The following TRIM33 variants were observed in gnomAD, a reference collection of about 807,000 sequenced individuals.
TRIM33 encodes tripartite motif containing 33.
In TRIM33, 20 loss-of-function variants were observed where a neutral mutation model predicts 125.4. The observed-to-expected ratio is 0.16, with a 90% CI of 0.11 to 0.23. TRIM33 has a LOEUF of 0.23. TRIM33 is among the 10% of genes least tolerant of loss of function. TRIM33 has a pLI of 1.00. For synonymous variants in TRIM33, 564 were observed against 513.9 expected, an observed-to-expected ratio of 1.10 and a Z score of -1.32; for missense variants, 920 against 1,411.4, an observed-to-expected ratio of 0.65 and a Z score of 5.58.
intron 6 of TRIM33, among the ~76,000 whole-genome samples, chr1:114,428,978 A>C (rs1448765256): frequency 2.0e-5 from 3 of 151,752 alleles, no homozygotes; most frequent in Non-Finnish European, 4.4e-5. Flanking sequence ...AGCATCTTTT[A>C]ATTCAGAAAC....
In TRIM33 at chr1:114,399,622, C is replaced by T; in HGVS notation, c.2968-13G>A. The T allele has an allele frequency of 6.4e-7, 1 of 1,559,780 alleles. No individual in the cohort carries two copies. Among genetic ancestry groups the T allele is most frequent in the Non-Finnish European group, 8.7e-7 (1 of 1,148,772 alleles). ...AGTAGTTTGGTATCTAAAATAAGCA[C>T]ATAATGGCAAATAAGAATTCTCCAA... On this transcript the variant is annotated splice_polypyrimidine_tract_variant and intron_variant, in intron 17 of 19. Coordinates refer to ENST00000358465, the MANE Select transcript of TRIM33 (RefSeq NM_015906.4).
At chr1:114,475,576 G>C (rs11805015) in intron 1 of TRIM33, among the ~76,000 whole-genome samples, 1 of 152,050 alleles carries the variant, frequency 6.6e-6, no homozygotes, top group African/African-American at 2.4e-5. Context: ...CCAGCTACTC[G>C]GGAGGCTGAG....
chr1:114,407,195 C>T, intron 13 of TRIM33, 95 bp from the exon 14 acceptor site: 2 of 1,040,170 alleles, frequency 1.9e-6, no homozygotes, highest in Non-Finnish European at 2.8e-6. Context: ...AAAGTGAAGA[C>T]AATAGACAAT....
chr1:114,398,532 T>C (rs960783758), intron 18 of TRIM33, among the ~76,000 whole-genome samples: 1 of 152,160 alleles, frequency 6.6e-6, no homozygotes, highest in South Asian at 2.1e-4. Flanking sequence ...TTTACTAATA[T>C]ACTCTGTGCC....
Position 114,511,112 on chromosome 1 carries a change from C to T in TRIM33, c.-36G>A. The T allele has an allele frequency of 8.8e-7, 1 of 1,133,168 alleles. No individual in the cohort carries two copies. Among genetic ancestry groups the T allele is most frequent in the Non-Finnish European group, 1.1e-6 (1 of 928,210 alleles). The allele number at this position is 1,133,168 out of a possible 1,614,324, so 70.2% of individuals were successfully genotyped here. On this transcript the variant is annotated 5_prime_UTR_variant, in exon 1 of 20. Coordinates refer to ENST00000358465, the MANE Select transcript of TRIM33 (RefSeq NM_015906.4). ...TTGAACCCGCCGGACCGCCCCGCGCCGCCCGCCGCCCGCGTCGCCGCCGCC... is the reference window on the plus strand; with the variant it reads ...TTGAACCCGCCGGACCGCCCCGCGCTGCCCGCCGCCCGCGTCGCCGCCGCC...
At chr1:114,440,622 G>C (rs188531113) in intron 4 of TRIM33, among the ~76,000 whole-genome samples, 2 of 152,238 alleles carry the variant, frequency 1.3e-5, no homozygotes, top group South Asian at 2.1e-4. Flanking sequence ...TTTTTAAAAG[G>C]GGGAGGAGCT....
chr1:114,453,515 G>A (rs981682935), intron 4 of TRIM33, among the ~76,000 whole-genome samples: 3 of 152,194 alleles, frequency 2.0e-5, no homozygotes, highest in African/African-American at 7.2e-5. Context: ...ATAAGAGATT[G>A]TTTAGTAAAA....
intron 1 of TRIM33, among the ~76,000 whole-genome samples, chr1:114,487,478 T>C (rs1435506897): frequency 1.3e-5 from 2 of 150,912 alleles, no homozygotes; most frequent in South Asian, 2.1e-4. Flanking sequence ...TGAAAAAATA[T>C]ATAAAAATTT....
chr1:114,427,492 A>C lies in TRIM33; in HGVS notation c.1303-198T>G, dbSNP rs550136929. ...CCATTTTGGGTAATAAAGTGCATTA[A>C]GATACTAGGTATCTTCAAAAGAGTA... is the stretch of plus-strand genomic sequence containing the variant. On this transcript the variant is annotated intron_variant, in intron 7 of 19. Coordinates refer to ENST00000358465, the MANE Select transcript of TRIM33 (RefSeq NM_015906.4). Among the ~76,000 whole-genome samples, 7 of 152,340 alleles carry C rather than the reference A, an allele frequency of 4.6e-5. No homozygotes were observed. The South Asian group carries it at 1.0e-3, about 23-fold the overall frequency.
chr1:114,483,879 G>A (rs1651507018), intron 1 of TRIM33, among the ~76,000 whole-genome samples: 1 of 152,146 alleles, frequency 6.6e-6, no homozygotes, highest in Admixed American at 6.5e-5. Flanking sequence ...GAAAACTACA[G>A]ACTGAGGAGT....
At chr1:114,412,595 G>A (rs1652665617) in intron 11 of TRIM33, among the ~76,000 whole-genome samples, 1 of 151,710 alleles carries the variant, frequency 6.6e-6, no homozygotes, top group Admixed American at 6.6e-5. Flanking sequence ...TTTTTCCAGA[G>A]TTTTATATAA....
intron 1 of TRIM33, among the ~76,000 whole-genome samples, chr1:114,497,724 T>C (rs940228573): frequency 3.9e-5 from 6 of 152,176 alleles, no homozygotes; most frequent in African/African-American, 1.4e-4. Flanking sequence ...ATGGGCCAGT[T>C]TGCCAATCCC....
intron 1 of TRIM33, among the ~76,000 whole-genome samples, chr1:114,507,428 T>C (rs1009127544): frequency 3.9e-5 from 6 of 152,192 alleles, no homozygotes; most frequent in Non-Finnish European, 7.3e-5. Flanking sequence ...AAAGGCCAGT[T>C]AGGCAGGAGG....
rs1426815270 is a variant in TRIM33, at chr1:114,397,409, TCA to T, written c.*237_*238del. 4 of 519,084 alleles carry T rather than the reference TCA, an allele frequency of 7.7e-6. No individual in the cohort carries two copies. The highest frequency in any genetic ancestry group is 1.0e-5 in the Non-Finnish European group (3 of 293,886). 32.2% of individuals were successfully genotyped at this position (519,084 alleles called of 1,614,324 possible). Reference sequence around the variant, plus strand: ...TTAGAACAGAAATCCTCAAATCATTTCACTTTTGCTTTTTGCTTTGAAACTTG... The same window carrying T: ...TTAGAACAGAAATCCTCAAATCATTTCTTTTGCTTTTTGCTTTGAAACTTG... On this transcript the variant is annotated 3_prime_UTR_variant, in exon 20 of 20. Coordinates refer to ENST00000358465, the MANE Select transcript of TRIM33 (RefSeq NM_015906.4).
rs1572073553 is a variant in TRIM33, at chr1:114,454,280, A to G, written c.923+8824T>C. 2.0e-5 allele frequency among the ~76,000 whole-genome samples: 3 copies of G among 152,170 alleles called. No individual in the cohort carries two copies. In the South Asian group the frequency reaches 6.2e-4, roughly 32 times the overall value. On this transcript the variant is annotated intron_variant, in intron 4 of 19. Transcript: ENST00000358465. ...GGGTACCCAGTCATGGTATGGTTGT[A>G]TAACTGCAGCTGCAGTTACTAGAGG... is the stretch of plus-strand genomic sequence containing the variant.
Position 114,402,751 on chromosome 1 carries a change from G to A in TRIM33, c.2892+9C>T. Reference sequence around the variant, plus strand: ...ATCCCAGTGACAAATCAACTTATTTGACACTTACCCTTTGGTCCACGGGGC... The same window carrying A: ...ATCCCAGTGACAAATCAACTTATTTAACACTTACCCTTTGGTCCACGGGGC... On this transcript the variant is annotated intron_variant, in intron 16 of 19. Transcript: ENST00000358465. 1.2e-6 allele frequency: 2 copies of A among 1,609,304 alleles called. No homozygotes were observed. The highest frequency in any genetic ancestry group is 1.7e-6 in the Non-Finnish European group (2 of 1,178,320).
At chr1:114,399,361 A>G (rs1572002987) in intron 18 of TRIM33, 96 bp downstream of exon 18, 3 of 1,298,714 alleles carry the variant, frequency 2.3e-6, no homozygotes. Flanking sequence ...TAGCAGAAAA[A>G]AAAATTTTAA....
chr1:114,442,666 C>T (rs1391780191), intron 4 of TRIM33, among the ~76,000 whole-genome samples: 54 of 123,576 alleles, frequency 4.4e-4, no homozygotes, highest in Admixed American at 2.3e-3. Flanking sequence ...CCAGCCTGGG[C>T]GACAAAGCAA....
At chr1:114,417,066 T>C (rs1011281056) in intron 11 of TRIM33, among the ~76,000 whole-genome samples, 4 of 152,142 alleles carry the variant, frequency 2.6e-5, no homozygotes, top group Admixed American at 2.6e-4. Flanking sequence ...TCCTAATACA[T>C]GCTAAAACAT....
Sources: gnomAD v4.1 joint callset for allele counts (sites outside exome capture counted in the v4.1 genomes callset) on GRCh38, gnomAD v4.1.1 for gene constraint, MANE v1.5 for transcripts, NCBI Gene and HGNC (gene_info 2026-07-23, HGNC 2026-07-21) for gene names.